Variants in TLK1 observed in about 807,000 individuals in gnomAD.
TLK1 encodes serine/threonine-protein kinase tousled-like 1.
TLK1 carries 24 observed loss-of-function variants against 105.3 expected under a neutral mutation model. The ratio of observed to expected loss-of-function variants is 0.23; its 90% CI spans 0.17 to 0.32. TLK1 has a LOEUF of 0.32. Ranked by LOEUF, TLK1 falls within the 10% of genes least tolerant of loss-of-function variation. TLK1 has a pLI of 1.00. For synonymous variants in TLK1, 321 were observed against 310.4 expected (o/e 1.03, Z -0.36); for missense variants, 558 against 910.5 (o/e 0.61, Z 4.98).
chr2:171,110,855 T>G (rs1019785603), intron 2 of TLK1, among the ~76,000 whole-genome samples: 1 of 152,226 alleles, frequency 6.6e-6, no homozygotes, highest in African/African-American at 2.4e-5. Context: ...AGGGTAATTT[T>G]ACTAACTGAT....
intron 1 of TLK1, among the ~76,000 whole-genome samples, chr2:171,170,458 G>A (rs1055860311): frequency 1.3e-5 from 2 of 152,220 alleles, no homozygotes; most frequent in Admixed American, 1.3e-4. Flanking sequence ...CATGGGTAAA[G>A]TATACCTTCA....
chr2:171,211,816 G>A (rs1259494723), intron 1 of TLK1, among the ~76,000 whole-genome samples: 1 of 150,814 alleles, frequency 6.6e-6, no homozygotes, highest in Non-Finnish European at 1.5e-5. Context: ...CCAAAGTGCT[G>A]GGATTACAGG....
Position 171,007,080 on chromosome 2 carries a change from A to G in TLK1, c.1417-17T>C, listed in dbSNP as rs758089709. The G allele has an allele frequency of 6.3e-7, 1 of 1,577,232 alleles. No individual in the cohort carries two copies. The highest frequency in any genetic ancestry group is 8.6e-7 in the Non-Finnish European group (1 of 1,168,372). On this transcript the variant is annotated splice_polypyrimidine_tract_variant and intron_variant, in intron 14 of 20. Coordinates refer to ENST00000431350, the MANE Select transcript of TLK1 (RefSeq NM_012290.5). ...GTCAAAAGCCTAGGATTTCAAGTCA[A>G]AAACAATTAAGATGAAAGACCAATT...
rs1196235690 is a variant in TLK1, at chr2:171,146,932, A to AGGGATACCCAGCTCTAT, written c.139+13341_139+13357dup. 2.0e-5 allele frequency among the ~76,000 whole-genome samples: 3 copies of AGGGATACCCAGCTCTAT among 152,296 alleles called. No homozygotes were observed. In the East Asian group the frequency reaches 5.8e-4, roughly 29 times the overall value. ...CTCCTTAAGGCCTAACTGGGGTCTA[A>AGGGATACCCAGCTCTAT]GGGATACCCAGCTCTATAACCTTCT... is the stretch of plus-strand genomic sequence containing the variant. On this transcript the variant is annotated intron_variant, in intron 1 of 20. Transcript: ENST00000431350.
At chr2:171,147,205 G>A (rs1366805219) in intron 1 of TLK1, among the ~76,000 whole-genome samples, 1 of 152,094 alleles carries the variant, frequency 6.6e-6, no homozygotes, top group African/African-American at 2.4e-5. Context: ...CTCATTACTA[G>A]GCTTCAGGTC....
At chr2:171,151,642 T>C (rs953888243) in intron 1 of TLK1, among the ~76,000 whole-genome samples, 1 of 151,058 alleles carries the variant, frequency 6.6e-6, no homozygotes, top group African/African-American at 2.4e-5. Context: ...GCCCAGCTAA[T>C]TTTTTTGTAT....
intron 2 of TLK1, among the ~76,000 whole-genome samples, chr2:171,096,093 A>G (rs745442724): frequency 6.6e-6 from 1 of 152,240 alleles, no homozygotes; most frequent in African/African-American, 2.4e-5. Context: ...AATTATCTCT[A>G]TTTGCAGATG....
At chr2:171,092,146 C>G (rs924104321) in intron 2 of TLK1, among the ~76,000 whole-genome samples, 6 of 152,054 alleles carry the variant, frequency 3.9e-5, no homozygotes, top group Non-Finnish European at 5.9e-5. Context: ...TCCAGGCTTC[C>G]AAATCATTCT....
chr2:170,994,160 C>A (rs183296681), intron 20 of TLK1, among the ~76,000 whole-genome samples: 1 of 152,134 alleles, frequency 6.6e-6, no homozygotes, highest in African/African-American at 2.4e-5. Flanking sequence ...TGCAGTGGTT[C>A]ACTTTACAGT....
chr2:171,160,357 G>C lies in TLK1; in HGVS notation c.72C>G (p.Thr24=). The change falls in exon 1 of 21, where the codon ACC becomes ACG. Residue 24 remains threonine, a synonymous_variant. Coordinates refer to ENST00000431350, the MANE Select transcript of TLK1 (RefSeq NM_012290.5). This position sits in a 1 kb window ranked among gnomAD's most constrained non-coding sequence, Gnocchi z 4.4. Reference sequence around the variant, plus strand: ...ACCTGGCCGCCGCCGCCGAGCCCGGGGTTGGAGACGTGGAGAGCTGGGACC... The same window carrying C: ...ACCTGGCCGCCGCCGCCGAGCCCGGCGTTGGAGACGTGGAGAGCTGGGACC... ...PSWSQLSTSP[T]PGSAAAARSL... is the part of the protein sequence containing the mutation. The C allele has an allele frequency of 6.2e-7, 1 of 1,605,580 alleles. No individual in the cohort carries two copies. Among genetic ancestry groups the C allele is most frequent in the Non-Finnish European group, 8.5e-7 (1 of 1,176,648 alleles).
chr2:171,115,501 T>C (rs1690383422), intron 2 of TLK1, among the ~76,000 whole-genome samples: 1 of 152,130 alleles, frequency 6.6e-6, no homozygotes, highest in Non-Finnish European at 1.5e-5. Context: ...AAGACTAGAA[T>C]ACCATCTTCG....
At position 171,092,861 on chromosome 2, in the gene TLK1, G is replaced by A. The variant is rs1039025370; in HGVS notation, c.259-10009C>T. Among the ~76,000 whole-genome samples, 9 of 151,792 alleles carry A rather than the reference G, an allele frequency of 5.9e-5. 1 individual carries two copies. The South Asian group carries it at 8.3e-4, about 14-fold the overall frequency. ...ACTAGATGGGTACATTTTTTTTTAC[G>A]TGATGTTAACAGGTTAGAAGTTAGG... On this transcript the variant is annotated intron_variant, in intron 2 of 20. Coordinates refer to ENST00000431350, the MANE Select transcript of TLK1 (RefSeq NM_012290.5).
intron 1 of TLK1, among the ~76,000 whole-genome samples, chr2:171,219,748 G>A (rs551696458): frequency 5.9e-5 from 9 of 152,098 alleles, no homozygotes; most frequent in African/African-American, 1.4e-4. Context: ...TTAAAGGCAC[G>A]TGCCACCACA....
At chr2:171,057,453 A>C (rs1325801529) in intron 5 of TLK1, among the ~76,000 whole-genome samples, 1 of 152,046 alleles carries the variant, frequency 6.6e-6, no homozygotes, top group Non-Finnish European at 1.5e-5. Flanking sequence ...CCTTTGGCAA[A>C]GGTTCTTAAT....
intron 13 of TLK1, 133 bp downstream of exon 13, chr2:171,014,718 A>G: frequency 1.5e-6 from 1 of 668,124 alleles, no homozygotes; most frequent in South Asian, 2.1e-5. Context: ...AGGCCTTCCA[A>G]GCCATGGGAA....
chr2:171,075,309 TA>T (rs1156534468), intron 3 of TLK1, among the ~76,000 whole-genome samples: 1 of 152,148 alleles, frequency 6.6e-6, no homozygotes, highest in Non-Finnish European at 1.5e-5. Flanking sequence ...CCATATAATT[TA>T]AAATTAATAA....
At chr2:171,029,154 T>A (rs1344290260) in intron 11 of TLK1, among the ~76,000 whole-genome samples, 2 of 152,204 alleles carry the variant, frequency 1.3e-5, no homozygotes, top group African/African-American at 4.8e-5. Context: ...TGTATAGATT[T>A]GCAGGCCAAG....
In TLK1 at chr2:171,011,369, T is replaced by G; in HGVS notation, c.1416+4A>C. On this transcript the variant is annotated splice_donor_region_variant and intron_variant, in intron 14 of 20. Transcript: ENST00000431350. The stretch of plus-strand genomic sequence containing the variant: ...TAAAAAAAACAGAATAAAACATACA[T>G]TACCTTATACACTTCACTAAAGCCA... The G allele has an allele frequency of 6.3e-7, 1 of 1,598,010 alleles. No homozygotes were observed. The highest frequency in any genetic ancestry group is 1.7e-5 in the Admixed American group (1 of 57,674).
At chr2:171,145,459 G>A (rs181587502) in intron 1 of TLK1, among the ~76,000 whole-genome samples, 10 of 151,820 alleles carry the variant, frequency 6.6e-5, no homozygotes, top group Admixed American at 1.3e-4. Flanking sequence ...GCATGGTGGC[G>A]GGCACCTGTA....
Sources: gnomAD v4.1 joint callset for allele counts (sites outside exome capture counted in the v4.1 genomes callset) on GRCh38, gnomAD v4.1.1 for gene constraint, Gnocchi (gnomAD v3.1) non-coding constraint, MANE v1.5 for transcripts, NCBI Gene and HGNC (gene_info 2026-07-23, HGNC 2026-07-21) for gene names.